FSHR: variants seen among roughly 807,000 people sequenced by gnomAD.
The protein encoded by FSHR is follicle stimulating hormone receptor, also known as follicle-stimulating hormone receptor.
A neutral mutation model predicts 52.1 loss-of-function variants in FSHR; 46 were observed. The ratio of observed to expected loss-of-function variants is 0.88; its 90% CI spans 0.70 to 1.13. The LOEUF is 1.13. FSHR is among the 50% of genes most tolerant of loss of function. The probability of loss-of-function intolerance (pLI) is 0.00; values close to 1 mark genes in which losing one functional copy is unlikely to be tolerated. For synonymous variants in FSHR, 399 were observed against 309.6 expected (o/e 1.29, Z -3.03); for missense variants, 964 against 834.6 (o/e 1.16, Z -1.91).
chr2:48,999,063 A>T (rs1573071394), intron 4 of FSHR, among the ~76,000 whole-genome samples: 2 of 152,066 alleles, frequency 1.3e-5, no homozygotes, highest in South Asian at 4.1e-4. Context: ...TCAAGATCAT[A>T]CCATCCAGTG....
At chr2:49,106,879 G>C (rs1176640967) in intron 1 of FSHR, among the ~76,000 whole-genome samples, 2 of 152,066 alleles carry the variant, frequency 1.3e-5, no homozygotes, top group African/African-American at 4.8e-5. Flanking sequence ...AGCTCTGTGG[G>C]GTCTGGAGCA....
chr2:48,984,980 G>A (rs1675422286), intron 6 of FSHR, among the ~76,000 whole-genome samples: 1 of 152,110 alleles, frequency 6.6e-6, no homozygotes, highest in South Asian at 2.1e-4. Context: ...AACAAATTAT[G>A]TTCAGAACTG....
intron 2 of FSHR, among the ~76,000 whole-genome samples, chr2:49,050,391 T>G (rs570259881): frequency 8.5e-5 from 13 of 152,180 alleles, no homozygotes; most frequent in African/African-American, 2.9e-4. Flanking sequence ...GAGTAGAGAA[T>G]CACTCTAGGT....
chr2:48,965,044 C>T (rs1674411001), intron 9 of FSHR, among the ~76,000 whole-genome samples: 1 of 151,984 alleles, frequency 6.6e-6, no homozygotes, highest in Non-Finnish European at 1.5e-5. Context: ...CCCTCCTTCC[C>T]CAAGGGGCAA....
chr2:49,052,877 G>C, intron 2 of FSHR, among the ~76,000 whole-genome samples: 1 of 152,212 alleles, frequency 6.6e-6, no homozygotes, highest in East Asian at 1.9e-4. Context: ...CACTGTTGCA[G>C]TTACAGTTCT....
chr2:49,124,541 CTG>C (rs1015437258), intron 1 of FSHR, among the ~76,000 whole-genome samples: 34 of 152,208 alleles, frequency 2.2e-4, no homozygotes, highest in African/African-American at 7.9e-4. Context: ...ACCTGGGAAA[CTG>C]TAGCTCCATT....
chr2:49,039,891 A>T (rs375648000), intron 2 of FSHR, among the ~76,000 whole-genome samples: 3 of 148,784 alleles, frequency 2.0e-5, no homozygotes, highest in Admixed American at 6.8e-5. Flanking sequence ...AATTATGTAA[A>T]ATTTTTGTTC....
chr2:49,049,801 C>T (rs1369606170), intron 2 of FSHR, among the ~76,000 whole-genome samples: 1 of 147,156 alleles, frequency 6.8e-6, no homozygotes, highest in East Asian at 2.0e-4. Context: ...CTTTCTTTAT[C>T]AGACTCATAT....
chr2:49,129,797 C>T (rs1206218140), intron 1 of FSHR, among the ~76,000 whole-genome samples: 1 of 152,138 alleles, frequency 6.6e-6, no homozygotes, highest in Non-Finnish European at 1.5e-5. Flanking sequence ...TCCTGACGCG[C>T]CTTCAAAATT....
At chr2:49,041,742 G>A (rs1409778300) in intron 2 of FSHR, among the ~76,000 whole-genome samples, 1 of 151,856 alleles carries the variant, frequency 6.6e-6, no homozygotes, top group African/African-American at 2.4e-5. Flanking sequence ...GAAGAAGACA[G>A]ACTCTCTCAG....
chr2:48,978,922 G>A (rs1311472876), intron 8 of FSHR, among the ~76,000 whole-genome samples: 1 of 152,112 alleles, frequency 6.6e-6, no homozygotes, highest in African/African-American at 2.4e-5. Context: ...AGAATTCCTT[G>A]CATATATCCA....
chr2:48,966,622 C>T (rs1198587908), intron 9 of FSHR, among the ~76,000 whole-genome samples: 9 of 152,220 alleles, frequency 5.9e-5, no homozygotes, highest in Non-Finnish European at 8.8e-5. Flanking sequence ...ACTTGAATCC[C>T]GCTACCAAAC....
intron 5 of FSHR, among the ~76,000 whole-genome samples, chr2:48,989,447 T>A (rs1675669896): frequency 6.6e-6 from 1 of 152,070 alleles, no homozygotes; most frequent in African/African-American, 2.4e-5. Flanking sequence ...CATACCCAGC[T>A]AATTTTTGTA....
chr2:49,120,185 C>A (rs1258926240), intron 1 of FSHR, among the ~76,000 whole-genome samples: 1 of 152,110 alleles, frequency 6.6e-6, no homozygotes, highest in Non-Finnish European at 1.5e-5. Context: ...GCAGGAGAAT[C>A]GCCGGGGCCA....
At chr2:49,119,731 A>G (rs1051690101) in intron 1 of FSHR, among the ~76,000 whole-genome samples, 1 of 152,176 alleles carries the variant, frequency 6.6e-6, no homozygotes, top group Non-Finnish European at 1.5e-5. Context: ...TTTCAACATA[A>G]AACAAGTGGA....
chr2:48,966,464 C>T (rs1674481919), intron 9 of FSHR, among the ~76,000 whole-genome samples: 1 of 152,164 alleles, frequency 6.6e-6, no homozygotes, highest in Non-Finnish European at 1.5e-5. Context: ...CAAATGAAGA[C>T]TGTAGTTGAT....
intron 2 of FSHR, among the ~76,000 whole-genome samples, chr2:49,057,888 A>G (rs1041957510): frequency 6.6e-6 from 1 of 152,232 alleles, no homozygotes. Flanking sequence ...AGTAAACATG[A>G]TACATTAAAG....
chr2:49,020,545 T>A (rs72877807), intron 2 of FSHR, among the ~76,000 whole-genome samples: 160 of 152,164 alleles, frequency 1.1e-3, no homozygotes, highest in African/African-American at 3.6e-3. Flanking sequence ...TAGTAAATAC[T>A]TTTTTGCCCT....
rs113078760 is a variant in FSHR, at chr2:49,024,580, A to G, written c.225-4420T>C. Among the ~76,000 whole-genome samples, 734 of 152,304 alleles carry G rather than the reference A, an allele frequency of 4.8e-3. 13 individuals carry two copies. The highest frequency in any genetic ancestry group is 0.016 in the African/African-American group (670 of 41,568). On this transcript the variant is annotated intron_variant, in intron 2 of 9. Transcript: ENST00000406846. ...ATAATATATCCCTGAAATGAATAAA[A>G]TAAACAATAAAAATAAAAGAATAAG...
Sources: gnomAD v4.1 joint callset for allele counts (sites outside exome capture counted in the v4.1 genomes callset) on GRCh38, gnomAD v4.1.1 for gene constraint, MANE v1.5 for transcripts, NCBI Gene and HGNC (gene_info 2026-07-23, HGNC 2026-07-21) for gene names.